SNX29: variants seen among roughly 807,000 people sequenced by gnomAD.
SNX29 encodes the protein sorting nexin 29.
Under a neutral mutation model 102.1 loss-of-function variants are expected in SNX29, and 78 were observed. The observed-to-expected ratio is 0.76, with a 90% CI of 0.64 to 0.92. The LOEUF (loss-of-function observed/expected upper bound fraction) is 0.92. SNX29 is among the 40% of genes least tolerant of loss of function. The pLI is 0.00. For synonymous variants in SNX29, 580 were observed against 414.5 expected (o/e 1.40, Z -4.85); for missense variants, 1,280 against 1,061.7 (o/e 1.21, Z -2.86).
At chr16:12,427,459 T>G (rs1005215707) in intron 18 of SNX29, among the ~76,000 whole-genome samples, 1 of 152,254 alleles carries the variant, frequency 6.6e-6, no homozygotes, top group African/African-American at 2.4e-5. Context: ...TTTATTTATC[T>G]GTATTTTCTC....
At chr16:12,433,220 CA>C (rs1567557746) in intron 18 of SNX29, among the ~76,000 whole-genome samples, 1 of 152,190 alleles carries the variant, frequency 6.6e-6, no homozygotes, top group Non-Finnish European at 1.5e-5. Flanking sequence ...ACCTTGAAAA[CA>C]GAGAAAAGAA....
At chr16:12,191,279 G>T (rs1243892803) in intron 13 of SNX29, among the ~76,000 whole-genome samples, 1 of 152,104 alleles carries the variant, frequency 6.6e-6, no homozygotes. Context: ...CCTGCTGTGC[G>T]GCTTGGTTCC....
intron 14 of SNX29, among the ~76,000 whole-genome samples, chr16:12,248,298 T>C (rs562361373): frequency 6.6e-6 from 1 of 152,192 alleles, no homozygotes; most frequent in Non-Finnish European, 1.5e-5. Flanking sequence ...TCGTGTTGCA[T>C]CTTGGGTGGT....
At chr16:12,541,017 A>G (rs1393733848) in intron 20 of SNX29, among the ~76,000 whole-genome samples, 3 of 152,212 alleles carry the variant, frequency 2.0e-5, no homozygotes, top group Non-Finnish European at 2.9e-5. Context: ...TTCCTGGGAC[A>G]GCAACAACTG....
intron 20 of SNX29, chr16:12,557,579 C>A (rs1188665546): frequency 6.6e-6 from 1 of 152,164 alleles, no homozygotes; most frequent in Non-Finnish European, 1.5e-5. Flanking sequence ...CTAGGCTGAT[C>A]TTGAACTCCT....
In SNX29 at chr16:12,570,676, T is replaced by TG; in HGVS notation, c.*2048dup. On this transcript the variant is annotated 3_prime_UTR_variant, in exon 21 of 21. Coordinates refer to ENST00000566228, the MANE Select transcript of SNX29 (RefSeq NM_032167.5). ...TTCCCTTGGGCCCAGGCTTATGACC[T>TG]GCACCTTTTCTGACACCTGCCCCCA... The TG allele has an allele frequency of 4.3e-6, 1 of 231,942 alleles. No homozygotes were observed. The highest frequency in any genetic ancestry group is 8.5e-6 in the Non-Finnish European group (1 of 117,264). The allele number at this position is 231,942 out of a possible 1,614,324, so 14.4% of individuals were successfully genotyped here.
chr16:12,156,615 G>C (rs972667283), intron 13 of SNX29, among the ~76,000 whole-genome samples: 1 of 152,228 alleles, frequency 6.6e-6, no homozygotes. Flanking sequence ...AGGTTTCCCT[G>C]TTTGTCTTCA....
chr16:12,079,205 C>T (rs1054723883), intron 11 of SNX29, among the ~76,000 whole-genome samples: 1 of 152,210 alleles, frequency 6.6e-6, no homozygotes, highest in Non-Finnish European at 1.5e-5. Context: ...CAGTTAGCTA[C>T]AGAGGACCTA....
At chr16:12,558,658 C>G (rs1405954441) in intron 20 of SNX29, among the ~76,000 whole-genome samples, 3 of 152,224 alleles carry the variant, frequency 2.0e-5, no homozygotes, top group Admixed American at 2.0e-4. Flanking sequence ...CCATCCCACC[C>G]AATCCTGCTG....
intron 20 of SNX29, among the ~76,000 whole-genome samples, chr16:12,551,450 T>C (rs1219456522): frequency 6.6e-6 from 1 of 152,190 alleles, no homozygotes; most frequent in Non-Finnish European, 1.5e-5. Flanking sequence ...AGCATGCTTT[T>C]AAAAATACAG....
At chr16:12,306,649 T>C (rs943805525) in intron 15 of SNX29, among the ~76,000 whole-genome samples, 1 of 152,206 alleles carries the variant, frequency 6.6e-6, no homozygotes, top group African/African-American at 2.4e-5. Context: ...TTAATGATGA[T>C]TACACTGAGT....
chr16:12,550,465 G>C (rs1272890784), intron 20 of SNX29, among the ~76,000 whole-genome samples: 1 of 151,572 alleles, frequency 6.6e-6, no homozygotes, highest in East Asian at 1.9e-4. Flanking sequence ...AACCCGGGAG[G>C]TGGAGGTTGG....
chr16:12,221,829 G>A (rs541026882), intron 14 of SNX29, among the ~76,000 whole-genome samples: 30 of 152,260 alleles, frequency 2.0e-4, no homozygotes, highest in African/African-American at 7.2e-4. Context: ...TGCCCCAACT[G>A]CCTCTTCCCC....
Position 12,572,372 on chromosome 16 carries a change from G to C in SNX29, c.*3743G>C, listed in dbSNP as rs1014921585. The C allele has an allele frequency of 1.6e-5, 17 of 1,063,178 alleles. No homozygotes were observed. The highest frequency in any genetic ancestry group is 1.9e-5 in the Non-Finnish European group (17 of 877,910). 65.9% of individuals were successfully genotyped at this position (1,063,178 alleles called of 1,614,324 possible). The stretch of plus-strand genomic sequence containing the variant: ...GATGGACAGCAGGCTCTGCCTTCTG[G>C]AGGCGGCTTATATCCCAACAGCCTG... On this transcript the variant is annotated 3_prime_UTR_variant, in exon 21 of 21. Coordinates refer to ENST00000566228, the MANE Select transcript of SNX29 (RefSeq NM_032167.5).
rs79701790 is a variant in SNX29 at position 12,509,139 on chromosome 16, G to C, written c.2179-15563G>C. ...GTAGAGGCTACAATTAAGGCAGTTA[G>C]AGGTAGTCCCACCTAATGCCACCAC... On this transcript the variant is annotated intron_variant, in intron 19 of 20. Transcript: ENST00000566228. 8.6e-4 allele frequency among the ~76,000 whole-genome samples: 131 copies of C among 152,258 alleles called. 1 individual carries two copies. Among genetic ancestry groups the C allele is most frequent in the African/African-American group, 3.0e-3 (125 of 41,548 alleles).
In SNX29 at chr16:12,570,479, G is replaced by A. The variant is rs79809067; in HGVS notation, c.*1850G>A. On this transcript the variant is annotated 3_prime_UTR_variant, in exon 21 of 21. Transcript: ENST00000566228. ...CAGGAAACGTCTAAAAGCTCAATCT[G>A]CTGTATGTCATGACCCCTTAGGTTG... The A allele has an allele frequency of 0.01, 2,353 of 233,728 alleles. 64 individuals are homozygous for A. Among genetic ancestry groups the A allele is most frequent in the African/African-American group, 0.048 (2,197 of 45,398 alleles). 14.5% of individuals were successfully genotyped at this position (233,728 alleles called of 1,614,324 possible).
chr16:12,041,420 T>A (rs1275158376), intron 4 of SNX29, among the ~76,000 whole-genome samples: 2 of 152,244 alleles, frequency 1.3e-5, no homozygotes, highest in Admixed American at 1.3e-4. Context: ...CCTGATGTGT[T>A]CTTTTCTTCT....
Position 12,139,654 on chromosome 16 carries a change from T to C in SNX29, c.1595+9896T>C, listed in dbSNP as rs961316253. Among the ~76,000 whole-genome samples the C allele has an allele frequency of 2.6e-5, 4 of 152,152 alleles. 1 individual carries two copies. The highest frequency in any genetic ancestry group is 5.9e-5 in the Non-Finnish European group (4 of 68,028). ...GTATTTTTAGTCATTTTCTGGGAAT[T>C]GGGGCTTTCTGGAAGCCCCTCAGCC... On this transcript the variant is annotated intron_variant, in intron 13 of 20. Coordinates refer to ENST00000566228, the MANE Select transcript of SNX29 (RefSeq NM_032167.5).
At chr16:12,232,533 A>C (rs974177512) in intron 14 of SNX29, among the ~76,000 whole-genome samples, 2 of 152,082 alleles carry the variant, frequency 1.3e-5, no homozygotes, top group Non-Finnish European at 2.9e-5. Context: ...ACAAACAAAT[A>C]AATGCTTGAA....
Sources: allele counts gnomAD v4.1 joint callset (sites outside exome capture counted in the v4.1 genomes callset), GRCh38; gene constraint gnomAD v4.1.1; transcripts MANE v1.5; gene names NCBI Gene and HGNC (gene_info 2026-07-23, HGNC 2026-07-21).